The following HYCC1 variants were observed in gnomAD, a reference collection of about 807,000 sequenced individuals.
The protein encoded by HYCC1 is hyccin PI4KA lipid kinase complex subunit 1, also known as hyccin.
At chr7:22,977,610 A>G in the HYCC1 span, among the ~76,000 whole-genome samples, 1 of 152,206 alleles carries the variant, frequency 6.6e-6, no homozygotes, top group Non-Finnish European at 1.5e-5. Context: ...ACATCCTTCC[A>G]CTTAAAAAAC....
the HYCC1 span, among the ~76,000 whole-genome samples, chr7:22,928,702 G>C: frequency 3.3e-5 from 5 of 152,230 alleles, no homozygotes; most frequent in East Asian, 7.7e-4. Context: ...CAAACAAATG[G>C]AAGAACATTC....
chr7:23,013,813 A>T, the HYCC1 span: 7 of 388,250 alleles, frequency 1.8e-5, no homozygotes, highest in Non-Finnish European at 3.7e-5. Context: ...CCAGGGACAA[A>T]GTCCCGGTCC....
the HYCC1 span, among the ~76,000 whole-genome samples, chr7:22,998,715 T>C: frequency 3.3e-5 from 5 of 152,128 alleles, no homozygotes; most frequent in Admixed American, 2.0e-4. Flanking sequence ...CATCTGCTGA[T>C]CACACAGCCT....
the HYCC1 span, among the ~76,000 whole-genome samples, chr7:22,990,274 A>G: frequency 6.6e-6 from 1 of 152,238 alleles, no homozygotes; most frequent in South Asian, 2.1e-4. Context: ...CCTCCAAATT[A>G]CTATAATTTT....
At chr7:22,919,947 T>A in the HYCC1 span, among the ~76,000 whole-genome samples, 1 of 152,310 alleles carries the variant, frequency 6.6e-6, no homozygotes, top group East Asian at 1.9e-4. Flanking sequence ...AATCTACATA[T>A]CTGAGCTCAA....
chr7:22,947,264 T>C, the HYCC1 span: 1 of 1,543,576 alleles, frequency 6.5e-7, no homozygotes, highest in Non-Finnish European at 8.8e-7. Flanking sequence ...TTGAAGATGA[T>C]AAGACAAAAT....
the HYCC1 span, among the ~76,000 whole-genome samples, chr7:23,007,798 T>C: frequency 6.6e-6 from 1 of 152,064 alleles, no homozygotes; most frequent in Non-Finnish European, 1.5e-5. Context: ...TACTTGGAAA[T>C]CTAACACAAT....
chr7:22,969,852 T>C, the HYCC1 span, among the ~76,000 whole-genome samples: 1 of 152,232 alleles, frequency 6.6e-6, no homozygotes, highest in East Asian at 1.9e-4. Context: ...TTGATGTAGA[T>C]ATCAGTTGGT....
At chr7:22,959,017 T>A in the HYCC1 span, among the ~76,000 whole-genome samples, 1 of 152,300 alleles carries the variant, frequency 6.6e-6, no homozygotes, top group African/African-American at 2.4e-5. Flanking sequence ...AAACCATATC[T>A]AATTAAATTA....
chr7:22,952,015 C>A, the HYCC1 span, among the ~76,000 whole-genome samples: 4 of 151,796 alleles, frequency 2.6e-5, no homozygotes, highest in Admixed American at 1.3e-4. Context: ...ACTTGCTCAC[C>A]CTATGTTATA....
At chr7:22,973,532 A>G in the HYCC1 span, among the ~76,000 whole-genome samples, 2 of 152,198 alleles carry the variant, frequency 1.3e-5, no homozygotes, top group Non-Finnish European at 2.9e-5. Flanking sequence ...GTTAAGAGTT[A>G]GCATTATTTA....
the HYCC1 span, among the ~76,000 whole-genome samples, chr7:22,974,236 A>G: frequency 5.9e-5 from 9 of 152,200 alleles, no homozygotes; most frequent in East Asian, 1.9e-4. Flanking sequence ...TAACTTATAA[A>G]TTATTTTCCT....
chr7:22,976,911 A>T, the HYCC1 span: 3 of 723,486 alleles, frequency 4.1e-6, no homozygotes, highest in Non-Finnish European at 7.3e-6. Context: ...CGAACATCAT[A>T]TATCTTAAAC....
chr7:22,934,228 T>C, the HYCC1 span: 1 of 100,378 alleles, frequency 1.0e-5, no homozygotes. Context: ...TTTTTTTTTT[T>C]TTTTTTCCCT....
the HYCC1 span, chr7:22,978,333 G>A: frequency 3.7e-6 from 6 of 1,613,980 alleles, no homozygotes; most frequent in Non-Finnish European, 5.1e-6. Flanking sequence ...TCTGCTGGCT[G>A]AGACTGCAAG....
At chr7:22,924,015 C>A in the HYCC1 span, among the ~76,000 whole-genome samples, 1,274 of 118,110 alleles carry the variant, frequency 0.011, 25 homozygotes, top group African/African-American at 0.037. Flanking sequence ...AAAAAAAAAA[C>A]CCAAAAAAAC....
At chr7:22,923,293 C>A in the HYCC1 span, among the ~76,000 whole-genome samples, 1 of 152,098 alleles carries the variant, frequency 6.6e-6, no homozygotes, top group Admixed American at 6.5e-5. Context: ...AATAAAACAA[C>A]ATACTGCTAA....
the HYCC1 span, chr7:22,978,560 C>T: frequency 2.3e-6 from 2 of 871,326 alleles, no homozygotes; most frequent in Non-Finnish European, 3.7e-6. Context: ...TTTTTAAGTT[C>T]TTAAAATAGC....
chr7:22,948,830 T>G, the HYCC1 span, among the ~76,000 whole-genome samples: 5 of 151,960 alleles, frequency 3.3e-5, no homozygotes, highest in Admixed American at 6.6e-5. Context: ...TGCTTCTGGG[T>G]GCTCTGTAAT....
Sources: allele counts gnomAD v4.1 joint callset (sites outside exome capture counted in the v4.1 genomes callset), GRCh38; gene constraint gnomAD v4.1.1; transcripts MANE v1.5; gene names NCBI Gene and HGNC (gene_info 2026-07-23, HGNC 2026-07-21).